Variants in INSYN2B observed in about 807,000 individuals in gnomAD.
INSYN2B encodes the protein protein INSYN2B.
A neutral mutation model predicts 41.2 loss-of-function variants in INSYN2B; 16 were observed. That is an observed-to-expected ratio of 0.39 (90% confidence interval 0.26 to 0.59). The LOEUF (loss-of-function observed/expected upper bound fraction) is 0.59. INSYN2B is among the 20% of genes least tolerant of loss of function. The pLI is 0.57. For synonymous variants in INSYN2B, 245 were observed against 244.4 expected (o/e 1.00, Z -0.02); for missense variants, 608 against 646.4 (o/e 0.94, Z 0.64).
intron 1 of INSYN2B, among the ~76,000 whole-genome samples, chr5:169,938,717 T>TA (rs1486972684): frequency 6.6e-6 from 1 of 152,164 alleles, no homozygotes; most frequent in African/African-American, 2.4e-5. Context: ...CTACATTTAT[T>TA]AAAAATATTT....
At chr5:169,953,228 G>A (rs1776735982) in intron 1 of INSYN2B, among the ~76,000 whole-genome samples, 1 of 151,872 alleles carries the variant, frequency 6.6e-6, no homozygotes, top group African/African-American at 2.4e-5. Context: ...AGCTACTCAG[G>A]AGGCTGAGGC....
At chr5:169,942,995 G>A (rs553848063) in intron 1 of INSYN2B, among the ~76,000 whole-genome samples, 1 of 152,280 alleles carries the variant, frequency 6.6e-6, no homozygotes, top group South Asian at 2.1e-4. Context: ...GGACAAACAT[G>A]GTTGTTGATA....
At chr5:169,951,782 A>G (rs1179641816) in intron 1 of INSYN2B, among the ~76,000 whole-genome samples, 2 of 152,188 alleles carry the variant, frequency 1.3e-5, no homozygotes, top group Non-Finnish European at 2.9e-5. Context: ...TCTTCCACAC[A>G]CTATTTAAGG....
intron 1 of INSYN2B, among the ~76,000 whole-genome samples, chr5:169,978,067 C>G (rs1429710760): frequency 6.6e-6 from 1 of 152,144 alleles, no homozygotes; most frequent in Non-Finnish European, 1.5e-5. Flanking sequence ...TCCTTCATCT[C>G]CTCTCACTGG....
chr5:169,965,413 T>C (rs1777261590), intron 1 of INSYN2B, among the ~76,000 whole-genome samples: 1 of 152,222 alleles, frequency 6.6e-6, no homozygotes, highest in African/African-American at 2.4e-5. Flanking sequence ...CAAAACATTA[T>C]GGGATGAGCT....
intron 3 of INSYN2B, among the ~76,000 whole-genome samples, chr5:169,870,822 G>A (rs1486011673): frequency 6.6e-6 from 1 of 152,160 alleles, no homozygotes; most frequent in Admixed American, 6.5e-5. Context: ...AAGTCATACT[G>A]TAAGTTACAA....
intron 1 of INSYN2B, among the ~76,000 whole-genome samples, chr5:169,905,452 G>A (rs1374905869): frequency 6.6e-6 from 1 of 152,244 alleles, no homozygotes; most frequent in Non-Finnish European, 1.5e-5. Flanking sequence ...CTTTCTGCAA[G>A]AAGTGGTTTA....
At chr5:169,888,107 A>T (rs749626546) in intron 1 of INSYN2B, among the ~76,000 whole-genome samples, 2 of 152,254 alleles carry the variant, frequency 1.3e-5, no homozygotes, top group Non-Finnish European at 1.5e-5. Flanking sequence ...TTTTAGACAG[A>T]GCCTAGGAAG....
At chr5:169,875,452 G>A in intron 3 of INSYN2B, 1 of 369,544 alleles carries the variant, frequency 2.7e-6, no homozygotes, top group South Asian at 2.0e-5. Flanking sequence ...ATTCCACTGA[G>A]ACCTAATATC....
At chr5:169,919,585 T>C (rs1279749917) in intron 1 of INSYN2B, among the ~76,000 whole-genome samples, 1 of 152,212 alleles carries the variant, frequency 6.6e-6, no homozygotes, top group Non-Finnish European at 1.5e-5. Context: ...CATTAATGGT[T>C]TGAAGAAGTG....
intron 1 of INSYN2B, among the ~76,000 whole-genome samples, chr5:169,904,456 C>A (rs1488842560): frequency 6.6e-6 from 1 of 152,236 alleles, no homozygotes; most frequent in East Asian, 1.9e-4. Context: ...CACTTCTGGG[C>A]AGCTTCCCTT....
At chr5:169,888,301 T>G (rs765044655) in intron 1 of INSYN2B, among the ~76,000 whole-genome samples, 2 of 152,160 alleles carry the variant, frequency 1.3e-5, no homozygotes, top group African/African-American at 4.8e-5. Flanking sequence ...TCCCTAGGCA[T>G]TGGTGGTTAG....
intron 1 of INSYN2B, among the ~76,000 whole-genome samples, chr5:169,978,047 C>T (rs768856463): frequency 3.3e-5 from 5 of 152,172 alleles, no homozygotes; most frequent in Admixed American, 6.5e-5. Context: ...GAGCCTCCCT[C>T]GGCAAACTTT....
chr5:169,965,607 G>A (rs754082211), intron 1 of INSYN2B, among the ~76,000 whole-genome samples: 1 of 152,176 alleles, frequency 6.6e-6, no homozygotes. Flanking sequence ...AATGTCGGGA[G>A]AGCTGGTGGC....
chr5:169,880,145 CG>C (rs1263478029), intron 3 of INSYN2B, among the ~76,000 whole-genome samples: 2 of 152,126 alleles, frequency 1.3e-5, no homozygotes, highest in East Asian at 3.9e-4. Context: ...AGGGCTCTTC[CG>C]GGGCCCTCTT....
chr5:169,934,709 G>C (rs1290671703), intron 1 of INSYN2B: 1 of 456,270 alleles, frequency 2.2e-6, no homozygotes, highest in South Asian at 1.5e-5. Context: ...AAATGTGATA[G>C]TATCTGCCAA....
intron 1 of INSYN2B, among the ~76,000 whole-genome samples, chr5:169,976,280 G>A (rs934362073): frequency 4.6e-5 from 7 of 152,132 alleles, no homozygotes; most frequent in East Asian, 3.9e-4. Flanking sequence ...GCTTAGAGTC[G>A]GAAAGGCCTA....
chr5:169,870,320 A>G (rs1771873167), intron 3 of INSYN2B, among the ~76,000 whole-genome samples: 1 of 152,170 alleles, frequency 6.6e-6, no homozygotes, highest in Non-Finnish European at 1.5e-5. Context: ...ATGTTTTTCT[A>G]GGTAATTGGA....
rs1418001994 is a variant in INSYN2B at position 169,936,606 on chromosome 5, TAGC to T, written c.-919+43668_-919+43670del. ...TTTTTTTTTTTTTTTTTTTATGAAT[TAGC>T]AGATCCTTGGATTTCACTGGAGAAA... On this transcript the variant is annotated intron_variant, in intron 1 of 3. Coordinates refer to ENST00000377365, the MANE Select transcript of INSYN2B (RefSeq NM_001129891.3). 4.8e-5 allele frequency among the ~76,000 whole-genome samples: 7 copies of T among 144,598 alleles called. No homozygotes were observed. The South Asian group carries it at 1.3e-3, about 27-fold the overall frequency. 94.9% of individuals were successfully genotyped at this position (144,598 alleles called of 152,430 possible).
Sources: allele counts gnomAD v4.1 joint callset (sites outside exome capture counted in the v4.1 genomes callset), GRCh38; gene constraint gnomAD v4.1.1; transcripts MANE v1.5; gene names NCBI Gene and HGNC (gene_info 2026-07-23, HGNC 2026-07-21).